CADM2: variants seen among roughly 807,000 people sequenced by gnomAD.
CADM2 encodes the protein cell adhesion molecule 2, also known as immunoglobulin superfamily member 4D.
CADM2 carries 12 observed loss-of-function variants against 49.8 expected under a neutral mutation model. The observed-to-expected ratio is 0.24, with a 90% CI of 0.15 to 0.39. The LOEUF is 0.39. CADM2 is among the 10% of genes least tolerant of loss of function. CADM2 has a pLI of 1.00. For missense variants in CADM2, 378 were observed against 492.3 expected, an observed-to-expected ratio of 0.77 and a Z score of 2.20; for synonymous variants, 214 against 175.4, an observed-to-expected ratio of 1.22 and a Z score of -1.74.
intron 2 of CADM2, among the ~76,000 whole-genome samples, chr3:85,799,561 G>A (rs191314298): frequency 1.3e-5 from 2 of 152,164 alleles, no homozygotes; most frequent in Non-Finnish European, 2.9e-5. Context: ...CTGTTTATGT[G>A]ATGGATTACA....
At chr3:85,087,675 T>C (rs1290082776) in intron 1 of CADM2, among the ~76,000 whole-genome samples, 10 of 152,338 alleles carry the variant, frequency 6.6e-5, no homozygotes, top group South Asian at 2.1e-4. Flanking sequence ...GAGCTTTATA[T>C]CTATTATGAT....
At chr3:85,596,220 T>C in intron 1 of CADM2, among the ~76,000 whole-genome samples, 1 of 151,876 alleles carries the variant, frequency 6.6e-6, no homozygotes. Flanking sequence ...AGTAATTCAT[T>C]TGAGGTATCT....
intron 3 of CADM2, among the ~76,000 whole-genome samples, chr3:85,830,582 C>T (rs1344899484): frequency 6.6e-6 from 1 of 151,610 alleles, no homozygotes; most frequent in East Asian, 1.9e-4. Context: ...GTATCGTATT[C>T]AAAATATTCA....
intron 1 of CADM2, among the ~76,000 whole-genome samples, chr3:85,075,662 T>C (rs2036915912): frequency 6.6e-6 from 1 of 152,156 alleles, no homozygotes; most frequent in Non-Finnish European, 1.5e-5. Flanking sequence ...ATGTGTAAAA[T>C]TTTAGGAGTC....
Position 85,595,367 on chromosome 3 carries a change from A to G in CADM2, c.62-131155A>G, listed in dbSNP as rs79963837. On this transcript the variant is annotated intron_variant, in intron 1 of 9. Coordinates refer to ENST00000383699, the MANE Select transcript of CADM2 (RefSeq NM_001167675.2). ...ACTTCTGATATTATCCAATTTAAGAACATGGCTAGACTGGCAAAATATGCA... is the reference window on the plus strand; with the variant it reads ...ACTTCTGATATTATCCAATTTAAGAGCATGGCTAGACTGGCAAAATATGCA... 9.1e-3 allele frequency among the ~76,000 whole-genome samples: 1,388 copies of G among 152,176 alleles called. 24 individuals are homozygous for G. Among genetic ancestry groups the G allele is most frequent in the African/African-American group, 0.031 (1,294 of 41,552 alleles).
intron 2 of CADM2, among the ~76,000 whole-genome samples, chr3:85,776,780 T>C (rs1031090941): frequency 1.9e-4 from 29 of 152,152 alleles, no homozygotes; most frequent in African/African-American, 7.0e-4. Flanking sequence ...TACTCAGTGC[T>C]AATTGTTTTT....
intron 2 of CADM2, among the ~76,000 whole-genome samples, chr3:85,794,510 C>G (rs1380614837): frequency 2.0e-5 from 3 of 152,082 alleles, no homozygotes; most frequent in Non-Finnish European, 4.4e-5. Context: ...GAAGTAAACA[C>G]TAGAAGGAGA....
intron 1 of CADM2, among the ~76,000 whole-genome samples, chr3:85,156,829 T>G (rs1469567479): frequency 6.6e-6 from 1 of 152,176 alleles, no homozygotes; most frequent in African/African-American, 2.4e-5. Flanking sequence ...GTGTTGGAAG[T>G]TCTGGCCAGG....
Position 85,879,093 on chromosome 3 carries a change from T to C in CADM2, c.239-4198T>C, listed in dbSNP as rs533085423. On this transcript the variant is annotated intron_variant, in intron 3 of 9. Transcript: ENST00000383699. Reference sequence around the variant, plus strand: ...TATAAATACATATATTTATATAAGATAAATATTTATGTGAATAAATCATTG... The same window carrying C: ...TATAAATACATATATTTATATAAGACAAATATTTATGTGAATAAATCATTG... 2.1e-3 allele frequency among the ~76,000 whole-genome samples: 324 copies of C among 151,068 alleles called. 2 individuals are homozygous for C. The highest frequency in any genetic ancestry group is 3.8e-3 in the Non-Finnish European group (255 of 67,774).
chr3:85,114,869 T>A (rs1477331800), intron 1 of CADM2, among the ~76,000 whole-genome samples: 1 of 152,096 alleles, frequency 6.6e-6, no homozygotes, highest in Admixed American at 6.6e-5. Flanking sequence ...TTTATTATGT[T>A]AAAGGGAAAG....
intron 3 of CADM2, among the ~76,000 whole-genome samples, chr3:85,827,064 C>T (rs1489968567): frequency 6.6e-6 from 1 of 151,854 alleles, no homozygotes; most frequent in Non-Finnish European, 1.5e-5. Flanking sequence ...GTCACATATG[C>T]AGGCTAGAAA....
At chr3:85,924,424 C>G (rs2108510829) in intron 6 of CADM2, among the ~76,000 whole-genome samples, 1 of 151,928 alleles carries the variant, frequency 6.6e-6, no homozygotes, top group African/African-American at 2.4e-5. Context: ...AACCACGTCT[C>G]TACAAAAAAT....
chr3:85,905,777 A>G (rs976067190), intron 5 of CADM2, among the ~76,000 whole-genome samples: 9 of 152,198 alleles, frequency 5.9e-5, no homozygotes, highest in Admixed American at 3.3e-4. Flanking sequence ...TTTAATTTTT[A>G]AATGATGTGA....
At chr3:85,662,229 G>A (rs2065430329) in intron 1 of CADM2, among the ~76,000 whole-genome samples, 1 of 138,004 alleles carries the variant, frequency 7.2e-6, no homozygotes, top group Non-Finnish European at 1.5e-5. Context: ...GACAGTATAG[G>A]TGGGTTTTTT....
chr3:85,645,355 A>C (rs2064852416), intron 1 of CADM2, among the ~76,000 whole-genome samples: 1 of 152,074 alleles, frequency 6.6e-6, no homozygotes, highest in Admixed American at 6.6e-5. Context: ...TAAAGTAATA[A>C]AATTATAGAG....
chr3:86,039,266 A>G (rs1735542080), intron 8 of CADM2, among the ~76,000 whole-genome samples: 1 of 152,002 alleles, frequency 6.6e-6, no homozygotes, highest in East Asian at 1.9e-4. Flanking sequence ...AAGCAGGGTG[A>G]GGCATTGCCT....
Position 86,066,332 on chromosome 3 carries a change from C to CAAAAAAAAAAAAAAAAAAAAAA in CADM2, c.1097-328_1097-307dup, listed in dbSNP as rs10663610. 5.3e-4 allele frequency among the ~76,000 whole-genome samples: 16 copies of CAAAAAAAAAAAAAAAAAAAAAA among 30,362 alleles called. 3 individuals are homozygous for CAAAAAAAAAAAAAAAAAAAAAA. Among genetic ancestry groups the CAAAAAAAAAAAAAAAAAAAAAA allele is most frequent in the African/African-American group, 3.0e-3 (14 of 4,676 alleles). 19.9% of individuals were successfully genotyped at this position (30,362 alleles called of 152,430 possible). A position where few individuals can be genotyped will look rare whatever the true frequency, so the allele number is the denominator to read the frequency against. ...TGGGCGAGAGAGCGAGACTCCGTCT[C>CAAAAAAAAAAAAAAAAAAAAAA]AAAAAAAAAAAAAAAAAAAAAAAAA... On this transcript the variant is annotated intron_variant, in intron 9 of 9. Transcript: ENST00000383699.
At chr3:85,908,262 T>C (rs1288362034) in intron 5 of CADM2, among the ~76,000 whole-genome samples, 9 of 149,598 alleles carry the variant, frequency 6.0e-5, no homozygotes, top group South Asian at 2.1e-4. Flanking sequence ...TTCTTTTTTT[T>C]TTTTTTTTTT....
chr3:85,573,084 G>C (rs1384025775), intron 1 of CADM2, among the ~76,000 whole-genome samples: 1 of 151,970 alleles, frequency 6.6e-6, no homozygotes, highest in South Asian at 2.1e-4. Context: ...GGGAAAGTTA[G>C]GGTATTTCGA....
Sources: allele counts gnomAD v4.1 joint callset (sites outside exome capture counted in the v4.1 genomes callset), GRCh38; gene constraint gnomAD v4.1.1; transcripts MANE v1.5; gene names NCBI Gene and HGNC (gene_info 2026-07-23, HGNC 2026-07-21).